MGLL: variants seen among roughly 807,000 people sequenced by gnomAD.
MGLL encodes lysophospholipase homolog.
A neutral mutation model predicts 29.1 loss-of-function variants in MGLL; 7 were observed. That is an observed-to-expected ratio of 0.24 (90% CI 0.14 to 0.45). The LOEUF is 0.45. MGLL is among the 20% of genes least tolerant of loss of function. The probability of loss-of-function intolerance (pLI) is 0.99; values close to 1 mark genes in which losing one functional copy is unlikely to be tolerated. For missense variants in MGLL, 356 were observed against 413.6 expected (o/e 0.86, Z 1.21); for synonymous variants, 148 against 168.3 (o/e 0.88, Z 0.93).
At chr3:127,706,871 C>T (rs778429565) in intron 6 of MGLL, among the ~76,000 whole-genome samples, 9 of 152,166 alleles carry the variant, frequency 5.9e-5, no homozygotes, top group Non-Finnish European at 1.2e-4. Context: ...GCTGTGGTTA[C>T]GCTTAAGTCG....
chr3:127,742,548 T>C (rs11719045), intron 3 of MGLL, among the ~76,000 whole-genome samples: 51,480 of 132,220 alleles, frequency 0.39, 9,358 homozygotes, highest in African/African-American at 0.46. Flanking sequence ...TGGGATGGCC[T>C]CACTGCACTC....
chr3:127,821,646 G>A (rs1321065973), intron 2 of MGLL, 48 bp downstream of exon 2: 4 of 1,607,024 alleles, frequency 2.5e-6, no homozygotes, highest in Middle Eastern at 1.7e-4. Flanking sequence ...GGAGAAGCAG[G>A]GGCCATGCTC....
chr3:127,815,526 C>T (rs767171074), intron 2 of MGLL, among the ~76,000 whole-genome samples: 9 of 152,238 alleles, frequency 5.9e-5, no homozygotes, highest in Non-Finnish European at 8.8e-5. Flanking sequence ...CTTTGCCTTG[C>T]GCCTATATTA....
intron 3 of MGLL, among the ~76,000 whole-genome samples, chr3:127,757,397 T>G (rs2076683366): frequency 6.6e-6 from 1 of 152,212 alleles, no homozygotes; most frequent in African/African-American, 2.4e-5. Context: ...ATTTTTAAAT[T>G]AGAAACTGCC....
chr3:127,694,943 TG>T (rs982631836), intron 7 of MGLL, 31 bp downstream of exon 7: 23 of 1,592,304 alleles, frequency 1.4e-5, no homozygotes, highest in Non-Finnish European at 3.4e-6. Flanking sequence ...CCCTCCACCT[TG>T]GGGGGAAGTG....
At chr3:127,716,820 T>C (rs1430731361) in intron 5 of MGLL, among the ~76,000 whole-genome samples, 1 of 152,202 alleles carries the variant, frequency 6.6e-6, no homozygotes, top group African/African-American at 2.4e-5. Context: ...ACAAGGGTCA[T>C]AGGACGGCCA....
At chr3:127,734,658 G>T (rs2076212960) in intron 3 of MGLL, among the ~76,000 whole-genome samples, 1 of 152,226 alleles carries the variant, frequency 6.6e-6, no homozygotes, top group Non-Finnish European at 1.5e-5. Context: ...TCTTATCTTG[G>T]CTCTGTCCCA....
intron 3 of MGLL, among the ~76,000 whole-genome samples, chr3:127,738,407 G>A (rs1433298059): frequency 6.6e-6 from 1 of 152,128 alleles, no homozygotes; most frequent in Non-Finnish European, 1.5e-5. Context: ...GCCACGCCTT[G>A]GGAGGCCTTG....
At position 127,737,630 on chromosome 3, in the gene MGLL, CTTTTTTTTTT is replaced by C. The variant is rs774965066; in HGVS notation, c.263-15074_263-15065del. On this transcript the variant is annotated intron_variant, in intron 3 of 7. Transcript: ENST00000265052. Reference sequence around the variant, plus strand: ...GACACAGTGAAATCATCAACTGCTTCTTTTTTTTTTTTTTTTTTTTTTTTTTTTTGTGAGA... The same window carrying C: ...GACACAGTGAAATCATCAACTGCTTCTTTTTTTTTTTTTTTTTTTGTGAGA... Among the ~76,000 whole-genome samples, 127 of 68,610 alleles carry C rather than the reference CTTTTTTTTTT, an allele frequency of 1.9e-3. 2 individuals carry two copies. Among genetic ancestry groups the C allele is most frequent in the African/African-American group, 8.0e-3 (108 of 13,582 alleles). 45.0% of individuals were successfully genotyped at this position (68,610 alleles called of 152,430 possible). A position where few individuals can be genotyped will look rare whatever the true frequency, so the allele number is the denominator to read the frequency against.
At chr3:127,735,949 A>C in intron 3 of MGLL, 1 of 1,484,006 alleles carries the variant, frequency 6.7e-7, no homozygotes, top group Non-Finnish European at 8.9e-7. Context: ...TGGCTCTCTT[A>C]GAGTGCAAGC....
chr3:127,707,819 G>A (rs1174197827), intron 6 of MGLL, among the ~76,000 whole-genome samples: 1 of 152,228 alleles, frequency 6.6e-6, no homozygotes, highest in Non-Finnish European at 1.5e-5. Flanking sequence ...TGGCTCTATA[G>A]GGTGGCAGCT....
intron 3 of MGLL, among the ~76,000 whole-genome samples, chr3:127,724,252 C>T (rs2075990577): frequency 6.6e-6 from 1 of 152,210 alleles, no homozygotes; most frequent in South Asian, 2.1e-4. Context: ...CCCTCTACTC[C>T]ACTTTCTGCT....
intron 6 of MGLL, among the ~76,000 whole-genome samples, chr3:127,708,867 G>A (rs550967264): frequency 6.6e-5 from 10 of 152,342 alleles, no homozygotes; most frequent in South Asian, 6.2e-4. Flanking sequence ...CATGGGCTGC[G>A]TGGACCAGCA....
At chr3:127,792,046 C>T (rs1455167112) in intron 2 of MGLL, among the ~76,000 whole-genome samples, 2 of 152,192 alleles carry the variant, frequency 1.3e-5, no homozygotes, top group African/African-American at 2.4e-5. Flanking sequence ...CCAGCCTGGG[C>T]GACAGAGCGA....
chr3:127,740,011 C>T (rs1332715102), intron 3 of MGLL, among the ~76,000 whole-genome samples: 15 of 152,282 alleles, frequency 9.9e-5, no homozygotes, highest in African/African-American at 3.1e-4. Flanking sequence ...CAGAGGCCTG[C>T]GGGCCAGCAG....
rs866296518 is a variant in MGLL at position 127,749,167 on chromosome 3, G to C, written c.263-26601C>G. On this transcript the variant is annotated intron_variant, in intron 3 of 7. Coordinates refer to ENST00000265052, the MANE Select transcript of MGLL (RefSeq NM_007283.7). ...ACACTGGAATGAGGACTCCTCTCTAGGGCTGGCACAGGGCCTGGCGTGCCG... is the reference window on the plus strand; with the variant it reads ...ACACTGGAATGAGGACTCCTCTCTACGGCTGGCACAGGGCCTGGCGTGCCG... Among the ~76,000 whole-genome samples the C allele has an allele frequency of 6.6e-5, 10 of 152,312 alleles. No individual in the cohort carries two copies. In the South Asian group the frequency reaches 1.2e-3, roughly 19 times the overall value.
At chr3:127,788,947 G>C (rs1381530092) in intron 2 of MGLL, among the ~76,000 whole-genome samples, 4 of 152,218 alleles carry the variant, frequency 2.6e-5, no homozygotes, top group Non-Finnish European at 5.9e-5. Context: ...ATTCCCGGAG[G>C]CCTACAGACC....
chr3:127,756,023 T>C (rs2076657979), intron 3 of MGLL, among the ~76,000 whole-genome samples: 1 of 152,224 alleles, frequency 6.6e-6, no homozygotes, highest in African/African-American at 2.4e-5. Flanking sequence ...CAGGATGGCA[T>C]GGATAGATGG....
chr3:127,794,458 TATG>T (rs1187667733), intron 2 of MGLL, among the ~76,000 whole-genome samples: 1 of 152,204 alleles, frequency 6.6e-6, no homozygotes, highest in Non-Finnish European at 1.5e-5. Flanking sequence ...GGATGTCTTA[TATG>T]ATGTAAGGCT....
Sources: gnomAD v4.1 joint callset for allele counts (sites outside exome capture counted in the v4.1 genomes callset) on GRCh38, gnomAD v4.1.1 for gene constraint, MANE v1.5 for transcripts, NCBI Gene and HGNC (gene_info 2026-07-23, HGNC 2026-07-21) for gene names.